HUNK: variants seen among roughly 807,000 people sequenced by gnomAD.
The protein encoded by HUNK is hormonally up-regulated Neu-associated kinase.
HUNK carries 21 observed loss-of-function variants against 61.0 expected under a neutral mutation model. The ratio of observed to expected loss-of-function variants is 0.34; its 90% CI spans 0.24 to 0.50. HUNK has a LOEUF of 0.50. Among genes scored for constraint, HUNK ranks in the 20% least tolerant of loss-of-function variants. The pLI, the probability that HUNK is intolerant of heterozygous loss-of-function variation, is 0.98. For missense variants in HUNK, 772 were observed against 945.7 expected (o/e 0.82, Z 2.41); for synonymous variants, 371 against 386.1 (o/e 0.96, Z 0.46).
chr21:31,923,517 A>G (rs75558255), intron 1 of HUNK, among the ~76,000 whole-genome samples: 15,126 of 135,512 alleles, frequency 0.11, 861 homozygotes, highest in Middle Eastern at 0.16. Context: ...GAGAGAGGGA[A>G]GGAGGGAGGA....
Position 31,917,753 on chromosome 21 carries a change from CA to C in HUNK, c.262-6714del, listed in dbSNP as rs1221904616. ...ACACACACACACACACACACACACA[CA>C]CACCCCTGGACTGAATTGGGAGTTC... On this transcript the variant is annotated intron_variant, in intron 1 of 10. Coordinates refer to ENST00000270112, the MANE Select transcript of HUNK (RefSeq NM_014586.2). Among the ~76,000 whole-genome samples the C allele has an allele frequency of 1.8e-3, 257 of 144,310 alleles. 1 individual carries two copies. Among genetic ancestry groups the C allele is most frequent in the Non-Finnish European group, 3.1e-3 (204 of 65,688 alleles). The allele number at this position is 144,310 out of a possible 152,430, so 94.7% of individuals were successfully genotyped here.
In HUNK at chr21:31,998,677, C is replaced by T; in HGVS notation, c.1638C>T (p.Gly546=). ...EPHQPGPGST[G]IPHKEDPLML... ...ATCAGCCAGGGCCCGGAAGCACTGG[C>T]ATCCCCCACAAGGAAGACCCCCTGA... The change falls in exon 11 of 11, where the codon GGC becomes GGT. Residue 546 remains glycine, a synonymous_variant. Coordinates refer to ENST00000270112, the MANE Select transcript of HUNK (RefSeq NM_014586.2). 6.2e-7 allele frequency: 1 copy of T among 1,614,182 alleles called. No homozygotes were observed. The highest frequency in any genetic ancestry group is 8.5e-7 in the Non-Finnish European group (1 of 1,180,028).
intron 1 of HUNK, among the ~76,000 whole-genome samples, chr21:31,878,963 A>G (rs1286687862): frequency 1.3e-5 from 2 of 152,192 alleles, no homozygotes; most frequent in Admixed American, 1.3e-4. Context: ...AAAGAATAAT[A>G]AGCCGGCTTG....
At chr21:31,925,348 G>A (rs527354170) in intron 2 of HUNK, among the ~76,000 whole-genome samples, 1 of 152,294 alleles carries the variant, frequency 6.6e-6, no homozygotes, top group South Asian at 2.1e-4. Context: ...AAAGGTCAAT[G>A]AGTTAATATA....
At chr21:31,965,942 C>G (rs1270113321) in intron 5 of HUNK, among the ~76,000 whole-genome samples, 1 of 152,066 alleles carries the variant, frequency 6.6e-6, no homozygotes, top group Non-Finnish European at 1.5e-5. Flanking sequence ...ATTTGAGGAA[C>G]AGGTGGTGTT....
intron 1 of HUNK, among the ~76,000 whole-genome samples, chr21:31,901,544 C>T (rs2052467950): frequency 6.6e-6 from 1 of 152,176 alleles, no homozygotes; most frequent in African/African-American, 2.4e-5. Context: ...GGCAGGCCGC[C>T]TCAGAGGGAG....
intron 1 of HUNK, among the ~76,000 whole-genome samples, chr21:31,904,235 G>A (rs2052489614): frequency 6.6e-6 from 1 of 151,888 alleles, no homozygotes; most frequent in African/African-American, 2.4e-5. Context: ...ATCTTTTTGG[G>A]TCTACTCTTC....
At chr21:31,917,786 G>A (rs953096863) in intron 1 of HUNK, among the ~76,000 whole-genome samples, 4 of 149,380 alleles carry the variant, frequency 2.7e-5, no homozygotes, top group Non-Finnish European at 4.4e-5. Context: ...GTTCCCTGGC[G>A]GCATTGGCTG....
chr21:31,996,588 C>T lies in HUNK; in HGVS notation c.1486+640C>T, dbSNP rs183090956. 8.5e-5 allele frequency among the ~76,000 whole-genome samples: 13 copies of T among 152,282 alleles called. No homozygotes were observed. In the East Asian group the frequency reaches 2.5e-3, roughly 29 times the overall value. On this transcript the variant is annotated intron_variant, in intron 10 of 10. Coordinates refer to ENST00000270112, the MANE Select transcript of HUNK (RefSeq NM_014586.2). ...AAAGGCAGACCTTACTGGGCACAGG[C>T]TTAACACATGGTAGAAACGCCAAGA...
At chr21:31,887,790 T>C (rs2052357742) in intron 1 of HUNK, among the ~76,000 whole-genome samples, 2 of 152,192 alleles carry the variant, frequency 1.3e-5, no homozygotes, top group East Asian at 3.9e-4. Context: ...CAGCTCTGTT[T>C]AGGGATGATA....
At chr21:31,977,722 C>T (rs561454470) in intron 7 of HUNK, among the ~76,000 whole-genome samples, 6 of 152,192 alleles carry the variant, frequency 3.9e-5, no homozygotes, top group Admixed American at 1.3e-4. Flanking sequence ...AAAAGAGTCT[C>T]ACTCTGTCGC....
At chr21:31,996,035 C>G in intron 10 of HUNK, 87 bp downstream of exon 10, 1 of 997,804 alleles carries the variant, frequency 1.0e-6, no homozygotes, top group South Asian at 1.7e-5. Flanking sequence ...GTCGAATGGG[C>G]CCTAGAGCAG....
chr21:31,910,924 A>T (rs1293962598), intron 1 of HUNK, among the ~76,000 whole-genome samples: 1 of 152,244 alleles, frequency 6.6e-6, no homozygotes, highest in Non-Finnish European at 1.5e-5. Context: ...ATTCACGTGG[A>T]TTCAACTTAG....
chr21:31,917,695 T>TACACACACACACACAC (rs3056146), intron 1 of HUNK, among the ~76,000 whole-genome samples: 46 of 94,952 alleles, frequency 4.8e-4, no homozygotes, highest in East Asian at 1.1e-3. Context: ...TTCCCAAACA[T>TACACACACACACACAC]ACACACACAC....
intron 4 of HUNK, 39 bp downstream of exon 4, chr21:31,946,210 C>T (rs1339087616): frequency 6.3e-7 from 1 of 1,589,894 alleles, no homozygotes; most frequent in Non-Finnish European, 8.6e-7. Flanking sequence ...GTTCCTCCTG[C>T]TGTCTCCACC....
chr21:31,895,329 G>T (rs1477150261), intron 1 of HUNK, among the ~76,000 whole-genome samples: 1 of 152,168 alleles, frequency 6.6e-6, no homozygotes, highest in Admixed American at 6.5e-5. Flanking sequence ...AGCAGCTGTT[G>T]AACTAGGGTC....
chr21:31,959,613 A>G (rs1252215714), intron 5 of HUNK, among the ~76,000 whole-genome samples: 5 of 152,196 alleles, frequency 3.3e-5, no homozygotes, highest in African/African-American at 1.2e-4. Flanking sequence ...TGTTTGGTTC[A>G]CAATTCAAGT....
At chr21:31,896,306 A>G (rs1231740673) in intron 1 of HUNK, among the ~76,000 whole-genome samples, 1 of 152,188 alleles carries the variant, frequency 6.6e-6, no homozygotes, top group Non-Finnish European at 1.5e-5. Flanking sequence ...TTCAGGAATC[A>G]TGCCGGGAAA....
intron 5 of HUNK, among the ~76,000 whole-genome samples, chr21:31,960,704 A>G (rs1448898187): frequency 6.6e-6 from 1 of 152,026 alleles, no homozygotes; most frequent in Non-Finnish European, 1.5e-5. Flanking sequence ...AAACCATCAG[A>G]TCTCGTGAGA....
Sources: allele counts gnomAD v4.1 joint callset (sites outside exome capture counted in the v4.1 genomes callset), GRCh38; gene constraint gnomAD v4.1.1; transcripts MANE v1.5; gene names NCBI Gene and HGNC (gene_info 2026-07-23, HGNC 2026-07-21).